Variants in ALX4 observed in about 807,000 individuals in gnomAD.
ALX4 encodes homeobox protein aristaless-like 4.
In ALX4, 22 loss-of-function variants were observed where a neutral mutation model predicts 40.6. That is an observed-to-expected ratio of 0.54 (90% confidence interval 0.39 to 0.77). The LOEUF is 0.77. ALX4 is among the 30% of genes least tolerant of loss of function. ALX4 has a pLI of 0.00. For missense variants in ALX4, 556 were observed against 564.8 expected (o/e 0.98, Z 0.16); for synonymous variants, 266 against 240.5 (o/e 1.11, Z -0.98).
intron 1 of ALX4, 110 bp downstream of exon 1, chr11:44,309,487 C>A (rs1956492400): frequency 2.0e-6 from 3 of 1,499,502 alleles, no homozygotes; most frequent in South Asian, 1.3e-5. Flanking sequence ...GAGTCACCAC[C>A]CCGCCCCCAG....
At position 44,263,973 on chromosome 11, in the gene ALX4, C is replaced by G. The variant is rs1564997312; in HGVS notation, c.*881G>C. 1 of 152,490 alleles carries G rather than the reference C, an allele frequency of 6.6e-6. No homozygotes were observed. 9.4% of individuals were successfully genotyped at this position (152,490 alleles called of 1,614,324 possible). A position where few individuals can be genotyped will look rare whatever the true frequency, so the allele number is the denominator to read the frequency against. Reference sequence around the variant, plus strand: ...CCTCCCCGCTGTACCAGATGCCAGGCAGGCCGGAGAGCGGGAGGACTGCCC... The same window carrying G: ...CCTCCCCGCTGTACCAGATGCCAGGGAGGCCGGAGAGCGGGAGGACTGCCC... On this transcript the variant is annotated 3_prime_UTR_variant, in exon 4 of 4. Coordinates refer to ENST00000652299, the MANE Select transcript of ALX4 (RefSeq NM_021926.4).
Position 44,265,078 on chromosome 11 carries a change from G to T in ALX4, c.1012C>A (p.Pro338Thr), listed in dbSNP as rs144198846. ...ACGCTGCTGGCCCCAGAGCCAGGGGGGTGGGCATGAGGGGACATGCAGGCA... is the reference window on the plus strand; with the variant it reads ...ACGCTGCTGGCCCCAGAGCCAGGGGTGTGGGCATGAGGGGACATGCAGGCA... ...VPACMSPHAH[P>T]PGSGASSVTD... Residue 338 changes from proline to threonine, a missense_variant, in exon 4 of 4, where the codon CCC (proline) becomes ACC (threonine). Coordinates refer to ENST00000652299, the MANE Select transcript of ALX4 (RefSeq NM_021926.4). 5 of 1,612,890 alleles carry T rather than the reference G, an allele frequency of 3.1e-6. No individual in the cohort carries two copies. The highest frequency in any genetic ancestry group is 4.2e-6 in the Non-Finnish European group (5 of 1,179,936).
intron 1 of ALX4, among the ~76,000 whole-genome samples, chr11:44,290,010 A>G (rs535458548): frequency 1.3e-5 from 2 of 152,178 alleles, no homozygotes; most frequent in African/African-American, 4.8e-5. Flanking sequence ...CAAGATGCGG[A>G]GGCCCAGAGC....
chr11:44,282,186 G>T (rs1442441066), intron 1 of ALX4, among the ~76,000 whole-genome samples: 1 of 152,130 alleles, frequency 6.6e-6, no homozygotes, highest in African/African-American at 2.4e-5. Flanking sequence ...AACAAAAAGT[G>T]GGCAAAATAT....
At position 44,309,178 on chromosome 11, in the gene ALX4, C is replaced by A. The variant is rs186430355; in HGVS notation, c.466+419G>T. On this transcript the variant is annotated intron_variant, in intron 1 of 3. Transcript: ENST00000652299. ...GTCCCGCAGCCCCGCAGCCCCGCAG[C>A]CTCGCAGCCCCGCAGCCCCGCAGCC... 4.1e-5 allele frequency among the ~76,000 whole-genome samples: 2 copies of A among 49,204 alleles called. 1 individual carries two copies. The highest frequency in any genetic ancestry group is 1.2e-4 in the Non-Finnish European group (2 of 16,260). The allele number at this position is 49,204 out of a possible 152,430, so 32.3% of individuals were successfully genotyped here.
intron 1 of ALX4, among the ~76,000 whole-genome samples, chr11:44,305,713 T>C (rs1265786589): frequency 6.6e-6 from 1 of 152,240 alleles, no homozygotes; most frequent in Non-Finnish European, 1.5e-5. Flanking sequence ...ACTGGGCCCC[T>C]AGGCGGCACC....
chr11:44,304,512 C>T (rs2119904518), intron 1 of ALX4, among the ~76,000 whole-genome samples: 1 of 152,288 alleles, frequency 6.6e-6, no homozygotes, highest in Admixed American at 6.5e-5. Flanking sequence ...CATGAATCAT[C>T]CCAAGGCCTC....
rs560751940 is a variant in ALX4 at position 44,264,592 on chromosome 11, C to T, written c.*262G>A. ...TTATCATGGATGCGAAGCTGAAAAA[C>T]GTGGCCACCTGGCTTTCTCCACTGC... is the stretch of plus-strand genomic sequence containing the variant. On this transcript the variant is annotated 3_prime_UTR_variant, in exon 4 of 4. Coordinates refer to ENST00000652299, the MANE Select transcript of ALX4 (RefSeq NM_021926.4). 2.4e-3 allele frequency: 1,359 copies of T among 570,316 alleles called. 5 individuals carry two copies. Among genetic ancestry groups the T allele is most frequent in the Middle Eastern group, 7.0e-3 (15 of 2,150 alleles). 35.3% of individuals were successfully genotyped at this position (570,316 alleles called of 1,614,324 possible). A position where few individuals can be genotyped will look rare whatever the true frequency, so the allele number is the denominator to read the frequency against.
intron 1 of ALX4, among the ~76,000 whole-genome samples, chr11:44,282,769 A>AT (rs2119828828): frequency 6.6e-6 from 1 of 152,308 alleles, no homozygotes; most frequent in African/African-American, 2.4e-5. Flanking sequence ...GAATTCTGGG[A>AT]AAGGCAAAAC....
intron 1 of ALX4, among the ~76,000 whole-genome samples, chr11:44,279,807 C>A (rs1044759406): frequency 6.6e-5 from 10 of 152,220 alleles, no homozygotes; most frequent in Non-Finnish European, 5.9e-5. Flanking sequence ...TCCAGCTCCT[C>A]CTATAGAATG....
intron 1 of ALX4, among the ~76,000 whole-genome samples, chr11:44,291,157 A>G (rs1382970449): frequency 6.6e-6 from 1 of 152,194 alleles, no homozygotes; most frequent in Non-Finnish European, 1.5e-5. Context: ...TACATATAAC[A>G]AAGACTATAA....
intron 1 of ALX4, among the ~76,000 whole-genome samples, chr11:44,287,804 C>A (rs1419989262): frequency 6.6e-6 from 1 of 152,020 alleles, no homozygotes; most frequent in East Asian, 1.9e-4. Context: ...AAGAGATTGG[C>A]CCCCTTGCAA....
intron 3 of ALX4, 61 bp from the exon 4 acceptor site, chr11:44,265,244 G>T: frequency 6.9e-7 from 1 of 1,454,528 alleles, no homozygotes; most frequent in Non-Finnish European, 9.3e-7. Flanking sequence ...GAAGGGGCTC[G>T]CCCCTTCCCC....
Position 44,293,679 on chromosome 11 carries a change from G to T in ALX4, c.466+15918C>A, listed in dbSNP as rs573876190. Among the ~76,000 whole-genome samples, 322 of 152,350 alleles carry T rather than the reference G, an allele frequency of 2.1e-3. 1 individual carries two copies. Among genetic ancestry groups the T allele is most frequent in the Non-Finnish European group, 2.9e-3 (198 of 68,042 alleles). On this transcript the variant is annotated intron_variant, in intron 1 of 3. Coordinates refer to ENST00000652299, the MANE Select transcript of ALX4 (RefSeq NM_021926.4). ...CTTGGGCACATACATTCCCTGAGGA[G>T]GCCTGGCCCTCACTGTCCACCTGCC... is the stretch of plus-strand genomic sequence containing the variant.
chr11:44,286,462 C>T (rs1217166362), intron 1 of ALX4, among the ~76,000 whole-genome samples: 1 of 152,140 alleles, frequency 6.6e-6, no homozygotes, highest in African/African-American at 2.4e-5. Flanking sequence ...AGGCCAAGAT[C>T]AAGACTGCAG....
intron 1 of ALX4, among the ~76,000 whole-genome samples, chr11:44,284,399 T>C (rs1344102748): frequency 6.6e-6 from 1 of 152,216 alleles, no homozygotes; most frequent in African/African-American, 2.4e-5. Context: ...TCAGTTAAAC[T>C]GGAATTTTAG....
chr11:44,266,500 G>A (rs77204861), intron 3 of ALX4, among the ~76,000 whole-genome samples: 1 of 152,204 alleles, frequency 6.6e-6, no homozygotes, highest in Non-Finnish European at 1.5e-5. Context: ...TGGGCTGGGG[G>A]AGAGGGAACA....
At chr11:44,283,238 A>T (rs1396575369) in intron 1 of ALX4, among the ~76,000 whole-genome samples, 1 of 142,984 alleles carries the variant, frequency 7.0e-6, no homozygotes, top group Admixed American at 7.0e-5. Context: ...CAAGAGCAAA[A>T]CTCCATCTCA....
At chr11:44,295,863 G>GGGCA (rs1956399709) in intron 1 of ALX4, among the ~76,000 whole-genome samples, 1 of 152,196 alleles carries the variant, frequency 6.6e-6, no homozygotes, top group Non-Finnish European at 1.5e-5. Context: ...TCAACTGAAG[G>GGGCA]GGCAGAGGGG....
Sources: gnomAD v4.1 joint callset for allele counts (sites outside exome capture counted in the v4.1 genomes callset) on GRCh38, gnomAD v4.1.1 for gene constraint, MANE v1.5 for transcripts, NCBI Gene and HGNC (gene_info 2026-07-23, HGNC 2026-07-21) for gene names.